The following XRCC1 variants were observed in gnomAD, a reference collection of about 807,000 sequenced individuals.
XRCC1 encodes the protein X-ray repair cross complementing 1.
In XRCC1, 52 loss-of-function variants were observed where a neutral mutation model predicts 83.3. The ratio of observed to expected loss-of-function variants is 0.62; its 90% CI spans 0.50 to 0.79. The LOEUF (loss-of-function observed/expected upper bound fraction) is 0.79, where lower values mean the gene tolerates loss of function less well. Among genes scored for constraint, XRCC1 ranks in the 30% least tolerant of loss-of-function variants. The pLI, the probability that XRCC1 is intolerant of heterozygous loss-of-function variation, is 0.00. For synonymous variants in XRCC1, 281 were observed against 312.6 expected (o/e 0.90, Z 1.07); for missense variants, 793 against 823.5 (o/e 0.96, Z 0.45).
In XRCC1 at chr19:43,545,913, T is replaced by G. The variant is rs748262190; in HGVS notation, c.1526A>C (p.Glu509Ala). The change falls in exon 14 of 17, where the codon GAG becomes GCG. Residue 509 changes from glutamate to alanine, a missense_variant. By Grantham distance (107) the Glu-to-Ala change is moderately radical. Coordinates refer to ENST00000262887, the MANE Select transcript of XRCC1 (RefSeq NM_006297.3). ...GCCTGCATACGGGTCTTCCCCATTC[T>G]CCTCCTGGCCAGGGGGCAGTCTGTG... ...KEHRLPPGQE[E>A]NGEDPYAGST... is the part of the protein sequence containing the mutation. 4 of 1,613,842 alleles carry G rather than the reference T, an allele frequency of 2.5e-6. No homozygotes were observed. In the South Asian group the frequency reaches 4.4e-5, roughly 18 times the overall value.
chr19:43,547,797 G>C (rs1205510116), intron 10 of XRCC1, among the ~76,000 whole-genome samples: 1 of 152,048 alleles, frequency 6.6e-6, no homozygotes, highest in Non-Finnish European at 1.5e-5. Context: ...ACAGTACCCA[G>C]AATTCCCCTC....
rs918806636 is a variant in XRCC1, at chr19:43,544,499, CCT to C, written c.1622-267_1622-266del. On this transcript the variant is annotated intron_variant, in intron 14 of 16. Coordinates refer to ENST00000262887, the MANE Select transcript of XRCC1 (RefSeq NM_006297.3). ...CTGACCGACAGGCTGGAGCCACTTACCTCTCTCTCTCTCTTTTTTTTTTTTAA... is the reference window on the plus strand; with the variant it reads ...CTGACCGACAGGCTGGAGCCACTTACCTCTCTCTCTCTTTTTTTTTTTTAA... Among the ~76,000 whole-genome samples the C allele has an allele frequency of 1.1e-4, 17 of 151,360 alleles. No homozygotes were observed. In the East Asian group the frequency reaches 1.6e-3, roughly 14 times the overall value.
intron 3 of XRCC1, among the ~76,000 whole-genome samples, chr19:43,559,248 C>T (rs543035624): frequency 6.6e-6 from 1 of 152,036 alleles, no homozygotes; most frequent in East Asian, 1.9e-4. Context: ...CTTTGGGAGG[C>T]TAAGGTGGGC....
chr19:43,555,454 T>A (rs1366423696), intron 3 of XRCC1: 1 of 152,190 alleles, frequency 6.6e-6, no homozygotes, highest in Non-Finnish European at 1.5e-5. Flanking sequence ...TCACCCCCAG[T>A]TAAGCTTCTG....
chr19:43,563,553 G>C (rs1972722617), intron 2 of XRCC1, among the ~76,000 whole-genome samples: 1 of 152,082 alleles, frequency 6.6e-6, no homozygotes, highest in African/African-American at 2.4e-5. Context: ...CTGCTCCCCA[G>C]GCCAGGCTTG....
chr19:43,564,124 G>A (rs1224426821), intron 2 of XRCC1, among the ~76,000 whole-genome samples: 1 of 152,164 alleles, frequency 6.6e-6, no homozygotes. Context: ...TACCAAGAAT[G>A]AGAAATAACA....
rs550800545 is a variant in XRCC1 at position 43,569,064 on chromosome 19, G to A, written c.144+5846C>T. 3.1e-3 allele frequency among the ~76,000 whole-genome samples: 468 copies of A among 151,298 alleles called. 3 individuals carry two copies. Among genetic ancestry groups the A allele is most frequent in the Middle Eastern group, 7.0e-3 (2 of 286 alleles). ...GAGGCCAAGTTGGGGGATCACCTGA[G>A]ATCAACAGTTCAAGACCAGCCTTGG... On this transcript the variant is annotated intron_variant, in intron 2 of 16. Coordinates refer to ENST00000262887, the MANE Select transcript of XRCC1 (RefSeq NM_006297.3).
chr19:43,554,773 G>A lies in XRCC1; in HGVS notation c.287C>T (p.Pro96Leu), dbSNP rs748290043. 3 of 1,613,656 alleles carry A rather than the reference G, an allele frequency of 1.9e-6. No homozygotes were observed. Among genetic ancestry groups the A allele is most frequent in the East Asian group, 4.5e-5 (2 of 44,874 alleles). ...GTTTGAGCCACTGCGGCTCTCGGAA[G>A]GGGACATGAAAGATGAGGTGACCAG... ...VLLVTSSFMS[P>L]SESRSGSNPN... is the part of the protein sequence containing the mutation. The change falls in exon 4 of 17, where the codon CCT becomes CTT. Residue 96 changes from proline (P) to leucine (L), a missense_variant. Pro to Leu is a moderately conservative substitution (Grantham distance 98). Coordinates refer to ENST00000262887, the MANE Select transcript of XRCC1 (RefSeq NM_006297.3).
At chr19:43,556,821 A>G (rs929713166) in intron 3 of XRCC1, among the ~76,000 whole-genome samples, 1 of 152,052 alleles carries the variant, frequency 6.6e-6, no homozygotes. Flanking sequence ...CCTAGCCAAC[A>G]TGGTGAAACA....
At chr19:43,550,985 GTTT>G (rs372931828) in intron 10 of XRCC1, among the ~76,000 whole-genome samples, 6 of 149,930 alleles carry the variant, frequency 4.0e-5, no homozygotes, top group Admixed American at 3.3e-4. Flanking sequence ...TGGTTTTTGG[GTTT>G]TTTTTTTCTT....
intron 3 of XRCC1, among the ~76,000 whole-genome samples, chr19:43,556,760 G>A (rs867960755): frequency 8.6e-5 from 13 of 151,942 alleles, no homozygotes; most frequent in East Asian, 1.9e-4. Context: ...AGCTGAGATC[G>A]CACCATTGCA....
At chr19:43,566,362 G>A (rs773247758) in intron 2 of XRCC1, among the ~76,000 whole-genome samples, 15 of 151,640 alleles carry the variant, frequency 9.9e-5, no homozygotes, top group African/African-American at 1.7e-4. Flanking sequence ...GTGAAACCCC[G>A]TCTCTAGTAA....
At chr19:43,546,758 G>C in intron 11 of XRCC1, 31 bp from the exon 12 acceptor site, 1 of 1,600,328 alleles carries the variant, frequency 6.2e-7, no homozygotes, top group Non-Finnish European at 8.5e-7. Flanking sequence ...GGTGAGGAGG[G>C]CAGGAACAGT....
At chr19:43,569,215 G>A (rs745388216) in intron 2 of XRCC1, among the ~76,000 whole-genome samples, 4 of 152,106 alleles carry the variant, frequency 2.6e-5, no homozygotes, top group Non-Finnish European at 5.9e-5. Context: ...GCTCATGTCT[G>A]TAATCCCAAG....
chr19:43,548,115 G>A (rs868627581), intron 10 of XRCC1, among the ~76,000 whole-genome samples: 2,609 of 140,072 alleles, frequency 0.019, 35 homozygotes, highest in Middle Eastern at 0.051. Flanking sequence ...AGGTGGGGGG[G>A]TCAGCCCCCG....
At chr19:43,564,248 C>T (rs771722328) in intron 2 of XRCC1, among the ~76,000 whole-genome samples, 1 of 152,146 alleles carries the variant, frequency 6.6e-6, no homozygotes, top group East Asian at 1.9e-4. Flanking sequence ...TACAGACAGA[C>T]GCAGAACAGG....
intron 2 of XRCC1, among the ~76,000 whole-genome samples, chr19:43,572,401 G>A (rs1389021518): frequency 6.6e-6 from 1 of 152,190 alleles, no homozygotes; most frequent in Non-Finnish European, 1.5e-5. Flanking sequence ...GAGAAAACAG[G>A]TTAGAGAAAT....
chr19:43,546,078 A>G lies in XRCC1; in HGVS notation c.1455T>C (p.Ser485=). The G allele has an allele frequency of 6.2e-7, 1 of 1,608,492 alleles. No individual in the cohort carries two copies. Among genetic ancestry groups the G allele is most frequent in the South Asian group, 1.1e-5 (1 of 90,806 alleles). The stretch of plus-strand genomic sequence containing the variant: ...TCCTCAGCTCATCCTCTGTGTCCCC[A>G]GAATCTTCCGCCCCATTGTCCTGTC... The part of the protein sequence containing the change: ...SEGQDNGAED[S]GDTEDELRRV... The change falls in exon 13 of 17, where the codon TCT becomes TCC. Residue 485 remains serine, a synonymous_variant. Coordinates refer to ENST00000262887, the MANE Select transcript of XRCC1 (RefSeq NM_006297.3).
intron 2 of XRCC1, among the ~76,000 whole-genome samples, chr19:43,568,057 T>G (rs1972770702): frequency 6.6e-6 from 1 of 151,486 alleles, no homozygotes; most frequent in Admixed American, 6.6e-5. Flanking sequence ...ATATTTTTAG[T>G]AGAGACAGGG....
Sources: allele counts gnomAD v4.1 joint callset (sites outside exome capture counted in the v4.1 genomes callset), GRCh38; gene constraint gnomAD v4.1.1; transcripts MANE v1.5; gene names NCBI Gene and HGNC (gene_info 2026-07-23, HGNC 2026-07-21).